Variants in EPHA6 observed in about 807,000 individuals in gnomAD.
EPHA6 encodes the protein ephrin type-A receptor 6.
Under a neutral mutation model 112.0 loss-of-function variants are expected in EPHA6, and 50 were observed. That is an observed-to-expected ratio of 0.45 (90% confidence interval 0.36 to 0.56). EPHA6 has a LOEUF of 0.56. Among genes scored for constraint, EPHA6 ranks in the 20% least tolerant of loss-of-function variants. The pLI, the probability that EPHA6 is intolerant of heterozygous loss-of-function variation, is 0.00. For missense variants in EPHA6, 1,280 were observed against 1,417.4 expected, an observed-to-expected ratio of 0.90 and a Z score of 1.56; for synonymous variants, 529 against 490.7, an observed-to-expected ratio of 1.08 and a Z score of -1.03.
chr3:97,088,132 G>A (rs59359844), intron 3 of EPHA6, among the ~76,000 whole-genome samples: 2,566 of 152,126 alleles, frequency 0.017, 69 homozygotes, highest in African/African-American at 0.059. Context: ...AGTGAGCCGA[G>A]ATCGTGCCAC....
At chr3:96,846,369 C>T (rs911223437) in intron 1 of EPHA6, among the ~76,000 whole-genome samples, 1 of 151,978 alleles carries the variant, frequency 6.6e-6, no homozygotes, top group Non-Finnish European at 1.5e-5. Context: ...TTACGTGTTT[C>T]CACCGTGTAA....
chr3:97,748,537 C>G, intron 17 of EPHA6, 50 bp from the exon 18 acceptor site: 3 of 860,060 alleles, frequency 3.5e-6, no homozygotes, highest in Non-Finnish European at 5.9e-6. Context: ...CTCTCTCTCT[C>G]TTTCTTGCTC....
intron 2 of EPHA6, among the ~76,000 whole-genome samples, chr3:96,896,634 T>C (rs538099728): frequency 5.9e-5 from 9 of 152,172 alleles, no homozygotes; most frequent in Non-Finnish European, 1.2e-4. Flanking sequence ...GGAGCTCTTA[T>C]GTTGTTTTTA....
chr3:97,304,673 G>A (rs1416093263), intron 5 of EPHA6, among the ~76,000 whole-genome samples: 3 of 151,992 alleles, frequency 2.0e-5, no homozygotes, highest in Non-Finnish European at 4.4e-5. Flanking sequence ...AAATAGTGCT[G>A]GGAAAACTGC....
intron 10 of EPHA6, among the ~76,000 whole-genome samples, chr3:97,487,992 G>T (rs986366518): frequency 7.2e-5 from 11 of 152,128 alleles, no homozygotes; most frequent in African/African-American, 2.2e-4. Context: ...GTCTGAAAAA[G>T]TCATTGAAAG....
intron 14 of EPHA6, among the ~76,000 whole-genome samples, chr3:97,665,674 T>G (rs746867324): frequency 6.6e-6 from 1 of 152,214 alleles, no homozygotes; most frequent in African/African-American, 2.4e-5. Flanking sequence ...TCACTTTTCC[T>G]GGTTTTTATC....
At position 97,066,216 on chromosome 3, in the gene EPHA6, G is replaced by C. The variant is rs143218641; in HGVS notation, c.1114+78223G>C. On this transcript the variant is annotated intron_variant, in intron 3 of 17. Transcript: ENST00000389672. Reference sequence around the variant, plus strand: ...ATTAAGAGTGTTTCTTCTACCATAGGCCTGATAGAATATTTGGCAATGCCT... The same window carrying C: ...ATTAAGAGTGTTTCTTCTACCATAGCCCTGATAGAATATTTGGCAATGCCT... Among the ~76,000 whole-genome samples the C allele has an allele frequency of 3.4e-3, 520 of 151,972 alleles. 3 individuals carry two copies. The highest frequency in any genetic ancestry group is 0.012 in the African/African-American group (499 of 41,474).
At chr3:96,904,339 C>T (rs1347816203) in intron 2 of EPHA6, among the ~76,000 whole-genome samples, 4 of 151,450 alleles carry the variant, frequency 2.6e-5, no homozygotes, top group African/African-American at 9.7e-5. Flanking sequence ...CCATCATTCT[C>T]AGCAAACTAC....
intron 5 of EPHA6, among the ~76,000 whole-genome samples, chr3:97,292,032 C>T (rs1351621867): frequency 2.0e-5 from 3 of 152,248 alleles, no homozygotes; most frequent in African/African-American, 7.2e-5. Context: ...CCAGCCGCTG[C>T]GCACAGCCAG....
intron 2 of EPHA6, among the ~76,000 whole-genome samples, chr3:96,985,739 A>G (rs1157152814): frequency 1.3e-5 from 2 of 152,194 alleles, no homozygotes; most frequent in Admixed American, 1.3e-4. Flanking sequence ...TTAAGTTTGC[A>G]TGATGGATAA....
At chr3:97,276,556 A>G (rs1246648945) in intron 5 of EPHA6, among the ~76,000 whole-genome samples, 2 of 152,216 alleles carry the variant, frequency 1.3e-5, no homozygotes, top group East Asian at 3.9e-4. Context: ...TAGTGGAGGC[A>G]AGGAATTGCA....
chr3:97,019,029 C>T (rs1422661356), intron 3 of EPHA6, among the ~76,000 whole-genome samples: 1 of 152,000 alleles, frequency 6.6e-6, no homozygotes, highest in African/African-American at 2.4e-5. Flanking sequence ...CTCTGTATGG[C>T]CTGGTTTTTC....
intron 7 of EPHA6, among the ~76,000 whole-genome samples, chr3:97,461,458 T>A (rs1158129916): frequency 3.3e-5 from 5 of 152,170 alleles, no homozygotes; most frequent in Admixed American, 3.3e-4. Context: ...TATACAGTGA[T>A]TCAATGCATG....
At chr3:96,857,620 T>C (rs2035771076) in intron 1 of EPHA6, among the ~76,000 whole-genome samples, 1 of 152,118 alleles carries the variant, frequency 6.6e-6, no homozygotes, top group Non-Finnish European at 1.5e-5. Context: ...AGCTGTTTAA[T>C]GTGTAAATGA....
At chr3:96,984,209 G>T (rs2042928315) in intron 2 of EPHA6, among the ~76,000 whole-genome samples, 1 of 152,034 alleles carries the variant, frequency 6.6e-6, no homozygotes, top group African/African-American at 2.4e-5. Flanking sequence ...CTTTGATGAT[G>T]GTGACGTGCA....
At chr3:97,396,813 G>T (rs936110582) in intron 5 of EPHA6, among the ~76,000 whole-genome samples, 3 of 151,598 alleles carry the variant, frequency 2.0e-5, no homozygotes, top group Non-Finnish European at 4.4e-5. Context: ...TAAAAATATT[G>T]TCTTGAGAGC....
At chr3:96,929,372 G>A in intron 2 of EPHA6, among the ~76,000 whole-genome samples, 1 of 152,152 alleles carries the variant, frequency 6.6e-6, no homozygotes, top group East Asian at 1.9e-4. Flanking sequence ...GGCTGCTAAT[G>A]GTTTTTCCTT....
At chr3:96,934,352 CATT>C (rs2107665097) in intron 2 of EPHA6, among the ~76,000 whole-genome samples, 1 of 151,252 alleles carries the variant, frequency 6.6e-6, no homozygotes, top group East Asian at 1.9e-4. Context: ...TATCTTATAC[CATT>C]ATTATTAAAT....
intron 5 of EPHA6, among the ~76,000 whole-genome samples, chr3:97,336,781 T>C (rs2083076995): frequency 6.6e-6 from 1 of 152,124 alleles, no homozygotes; most frequent in Non-Finnish European, 1.5e-5. Context: ...CTACATGAGC[T>C]ACATGGAATA....
Sources: gnomAD v4.1 joint callset for allele counts (sites outside exome capture counted in the v4.1 genomes callset) on GRCh38, gnomAD v4.1.1 for gene constraint, MANE v1.5 for transcripts, NCBI Gene and HGNC (gene_info 2026-07-23, HGNC 2026-07-21) for gene names.